The following RUNX2 variants were observed in gnomAD, a reference collection of about 807,000 sequenced individuals.
The protein encoded by RUNX2 is runt-related transcription factor 2.
A neutral mutation model predicts 51.7 loss-of-function variants in RUNX2; 10 were observed. The ratio of observed to expected loss-of-function variants is 0.19; its 90% CI spans 0.12 to 0.33. The LOEUF (loss-of-function observed/expected upper bound fraction) is 0.33, where lower values mean the gene tolerates loss of function less well. RUNX2 is among the 10% of genes least tolerant of loss of function. RUNX2 has a pLI of 1.00. For missense variants in RUNX2, 562 were observed against 691.3 expected, an observed-to-expected ratio of 0.81 and a Z score of 2.10; for synonymous variants, 276 against 273.6, an observed-to-expected ratio of 1.01 and a Z score of -0.09.
chr6:45,402,024 A>T (rs529161782), intron 2 of RUNX2, among the ~76,000 whole-genome samples: 1 of 152,366 alleles, frequency 6.6e-6, no homozygotes, highest in South Asian at 2.1e-4. Flanking sequence ...ATCGTATTAT[A>T]CTGTGAGTAA....
chr6:45,475,194 T>C (rs1799922579), intron 5 of RUNX2, among the ~76,000 whole-genome samples: 1 of 151,540 alleles, frequency 6.6e-6, no homozygotes, highest in East Asian at 1.9e-4. Context: ...ACTATGATTA[T>C]GTGACAGAAA....
At chr6:45,426,776 G>A (rs1489449619) in intron 3 of RUNX2, among the ~76,000 whole-genome samples, 1 of 152,002 alleles carries the variant, frequency 6.6e-6, no homozygotes, top group Non-Finnish European at 1.5e-5. Context: ...CAAAAGGAGG[G>A]GTTTCAAAAT....
chr6:45,457,229 T>C (rs1185723521), intron 5 of RUNX2, among the ~76,000 whole-genome samples: 2 of 152,160 alleles, frequency 1.3e-5, no homozygotes, highest in East Asian at 1.9e-4. Context: ...AAGAGATATG[T>C]AGAAAAAAAG....
intron 7 of RUNX2, among the ~76,000 whole-genome samples, chr6:45,531,952 T>G (rs1470272203): frequency 6.6e-6 from 1 of 152,126 alleles, no homozygotes; most frequent in African/African-American, 2.4e-5. Flanking sequence ...ATAGCTCACG[T>G]GGTATCTCCC....
intron 2 of RUNX2, among the ~76,000 whole-genome samples, chr6:45,388,558 T>G (rs1797405764): frequency 6.6e-6 from 1 of 152,204 alleles, no homozygotes; most frequent in Non-Finnish European, 1.5e-5. Context: ...TTGAAGTAAG[T>G]TAATGTTTGA....
At chr6:45,544,500 G>T (rs1172241653) in intron 7 of RUNX2, among the ~76,000 whole-genome samples, 5 of 152,158 alleles carry the variant, frequency 3.3e-5, no homozygotes, top group Admixed American at 6.5e-5. Context: ...TATTACTGCA[G>T]TGTATTTTAA....
In RUNX2 at chr6:45,422,616, AG is replaced by A; in HGVS notation, c.83del (p.Ser28ThrfsTer12). Reference sequence around the variant, plus strand: ...AGATCCGAGCACCAGCCGGCGCTTCAGCCCCCCCTCCAGCAGCCTGCAGCCC... The same window carrying A: ...AGATCCGAGCACCAGCCGGCGCTTCACCCCCCCTCCAGCAGCCTGCAGCCC... ...FWDPSTSRRF[S>X]PPSSSLQPGK... is the part of the protein sequence containing the mutation. On this transcript the variant is annotated frameshift_variant, in exon 3 of 9. Coordinates refer to ENST00000647337, the MANE Select transcript of RUNX2 (RefSeq NM_001024630.4). LOFTEE classifies it high-confidence loss of function. 1 of 1,604,538 alleles carries A rather than the reference AG, an allele frequency of 6.2e-7. No individual in the cohort carries two copies. Among genetic ancestry groups the A allele is most frequent in the South Asian group, 1.1e-5 (1 of 89,742 alleles).
At chr6:45,402,357 T>C (rs1243770006) in intron 2 of RUNX2, among the ~76,000 whole-genome samples, 1 of 152,170 alleles carries the variant, frequency 6.6e-6, no homozygotes, top group Non-Finnish European at 1.5e-5. Flanking sequence ...TCAGGATGTC[T>C]TCCAAAGCAA....
At chr6:45,362,391 T>G (rs921462192) in intron 2 of RUNX2, among the ~76,000 whole-genome samples, 1 of 152,174 alleles carries the variant, frequency 6.6e-6, no homozygotes, top group Non-Finnish European at 1.5e-5. Flanking sequence ...CTTAGAACTA[T>G]GAACAGCAGC....
chr6:45,419,018 G>A (rs1006574791), intron 2 of RUNX2, among the ~76,000 whole-genome samples: 1 of 152,066 alleles, frequency 6.6e-6, no homozygotes, highest in Admixed American at 6.5e-5. Context: ...CAACCACTGA[G>A]GACTGCATAG....
chr6:45,345,012 AAACTGATTTATGT>A (rs1404217305), intron 2 of RUNX2, among the ~76,000 whole-genome samples: 1 of 152,146 alleles, frequency 6.6e-6, no homozygotes, highest in Non-Finnish European at 1.5e-5. Flanking sequence ...AGAATTTAGC[AAACTGATTTATGT>A]AACAAAAAGG....
At chr6:45,523,447 T>G (rs1213429191) in intron 7 of RUNX2, among the ~76,000 whole-genome samples, 24 of 151,852 alleles carry the variant, frequency 1.6e-4, no homozygotes. Flanking sequence ...ATACAAAAAT[T>G]ATTAGTAGAG....
intron 3 of RUNX2, among the ~76,000 whole-genome samples, chr6:45,426,367 T>G (rs1798382134): frequency 6.6e-6 from 1 of 152,188 alleles, no homozygotes; most frequent in Non-Finnish European, 1.5e-5. Context: ...CCTAGATAAT[T>G]CTAGTGACAA....
intron 2 of RUNX2, among the ~76,000 whole-genome samples, chr6:45,331,404 T>C (rs531554935): frequency 1.3e-5 from 2 of 151,968 alleles, no homozygotes; most frequent in South Asian, 2.1e-4. Flanking sequence ...ACAGCAATTG[T>C]GGTCCATATC....
At chr6:45,443,623 C>T (rs1798903775) in intron 5 of RUNX2, among the ~76,000 whole-genome samples, 1 of 152,142 alleles carries the variant, frequency 6.6e-6, no homozygotes. Flanking sequence ...AGGGGACATT[C>T]AAAGAAAATA....
intron 2 of RUNX2, among the ~76,000 whole-genome samples, chr6:45,347,575 T>C (rs1017506659): frequency 6.6e-6 from 1 of 152,136 alleles, no homozygotes; most frequent in African/African-American, 2.4e-5. Context: ...AGGCTTACAT[T>C]CCATATATTT....
At position 45,363,952 on chromosome 6, in the gene RUNX2, T is replaced by TA. The variant is rs552217549; in HGVS notation, c.58+35173dup. Among the ~76,000 whole-genome samples, 26 of 151,984 alleles carry TA rather than the reference T, an allele frequency of 1.7e-4. 1 individual carries two copies. In the East Asian group the frequency reaches 4.6e-3, roughly 27 times the overall value. On this transcript the variant is annotated intron_variant, in intron 2 of 8. Transcript: ENST00000647337. ...CAACATGGCGAAACCCTGTCTCTACTAAAAATACAAAAATTAGCCGGGTGT... is the reference window on the plus strand; with the variant it reads ...CAACATGGCGAAACCCTGTCTCTACTAAAAAATACAAAAATTAGCCGGGTGT...
At chr6:45,508,459 C>T (rs1028545940) in intron 6 of RUNX2, among the ~76,000 whole-genome samples, 3 of 152,110 alleles carry the variant, frequency 2.0e-5, no homozygotes, top group Non-Finnish European at 4.4e-5. Context: ...AGCTCCCAGC[C>T]TCAGGTGATC....
At chr6:45,341,622 G>A (rs1053461245) in intron 2 of RUNX2, among the ~76,000 whole-genome samples, 1 of 152,114 alleles carries the variant, frequency 6.6e-6, no homozygotes, top group Non-Finnish European at 1.5e-5. Flanking sequence ...AGAGTACAAT[G>A]GCATAAGACT....
Sources: gnomAD v4.1 joint callset for allele counts (sites outside exome capture counted in the v4.1 genomes callset) on GRCh38, gnomAD v4.1.1 for gene constraint, MANE v1.5 for transcripts, NCBI Gene and HGNC (gene_info 2026-07-23, HGNC 2026-07-21) for gene names.